The following BCL2 variants were observed in gnomAD, a reference collection of about 807,000 sequenced individuals.
The protein encoded by BCL2 is BCL2 apoptosis regulator, also known as apoptosis regulator Bcl-2.
A neutral mutation model predicts 14.2 loss-of-function variants in BCL2; 1 was observed. The ratio of observed to expected loss-of-function variants is 0.07; its 90% CI spans 0.02 to 0.33. The LOEUF is 0.33. Ranked by LOEUF, BCL2 falls within the 10% of genes least tolerant of loss-of-function variation. The pLI is 0.99. For missense variants in BCL2, 247 were observed against 305.9 expected (o/e 0.81, Z 1.44); for synonymous variants, 151 against 137.2 (o/e 1.10, Z -0.70).
chr18:63,302,415 T>A lies in BCL2; in HGVS notation c.585+15667A>T, dbSNP rs766600787. On this transcript the variant is annotated intron_variant, in intron 2 of 2. Coordinates refer to ENST00000333681, the MANE Select transcript of BCL2 (RefSeq NM_000633.3). ...TTGGGGAGCCTGATGGTGAACTCTGTCTTGCTTAATGAAAGGTCACTATTG... is the reference window on the plus strand; with the variant it reads ...TTGGGGAGCCTGATGGTGAACTCTGACTTGCTTAATGAAAGGTCACTATTG... 9.1e-6 allele frequency: 9 copies of A among 985,394 alleles called. No individual in the cohort carries two copies. The Admixed American group carries it at 4.9e-4, about 54-fold the overall frequency. 61.0% of individuals were successfully genotyped at this position (985,394 alleles called of 1,614,324 possible). A position where few individuals can be genotyped will look rare whatever the true frequency, so the allele number is the denominator to read the frequency against.
At chr18:63,140,701 T>C (rs886777883) in intron 2 of BCL2, among the ~76,000 whole-genome samples, 3 of 152,218 alleles carry the variant, frequency 2.0e-5, no homozygotes, top group Non-Finnish European at 4.4e-5. Flanking sequence ...TTTGGAGTGA[T>C]GGAAAAGTTC....
chr18:63,267,399 G>A (rs1011366645), intron 2 of BCL2, among the ~76,000 whole-genome samples: 2 of 152,124 alleles, frequency 1.3e-5, no homozygotes, highest in African/African-American at 4.8e-5. Flanking sequence ...GGGATGGAGT[G>A]GGGAAGACAC....
intron 2 of BCL2, among the ~76,000 whole-genome samples, chr18:63,273,104 T>G (rs553846230): frequency 6.6e-6 from 1 of 152,330 alleles, no homozygotes; most frequent in Non-Finnish European, 1.5e-5. Context: ...CAAGTCCATT[T>G]TCTATGAAAC....
At chr18:63,172,416 A>C (rs556169282) in intron 2 of BCL2, among the ~76,000 whole-genome samples, 1 of 152,232 alleles carries the variant, frequency 6.6e-6, no homozygotes, top group Non-Finnish European at 1.5e-5. Flanking sequence ...TCATCAGAAT[A>C]TTATTATTTT....
At chr18:63,171,940 C>T (rs1915230871) in intron 2 of BCL2, among the ~76,000 whole-genome samples, 1 of 152,208 alleles carries the variant, frequency 6.6e-6, no homozygotes, top group Admixed American at 6.5e-5. Flanking sequence ...ATGATCACAC[C>T]ACTGCACTCC....
At chr18:63,233,090 G>A (rs1910730338) in intron 2 of BCL2, among the ~76,000 whole-genome samples, 1 of 152,222 alleles carries the variant, frequency 6.6e-6, no homozygotes, top group African/African-American at 2.4e-5. Flanking sequence ...ATACAGTGAA[G>A]GGGTAAGAGA....
chr18:63,308,604 T>C (rs2082350854), intron 2 of BCL2, among the ~76,000 whole-genome samples: 1 of 152,216 alleles, frequency 6.6e-6, no homozygotes, highest in South Asian at 2.1e-4. Context: ...GTCAAATGTT[T>C]AATATAGAGC....
chr18:63,216,135 T>C (rs998569354), intron 2 of BCL2, among the ~76,000 whole-genome samples: 2 of 152,112 alleles, frequency 1.3e-5, no homozygotes, highest in African/African-American at 4.8e-5. Flanking sequence ...GGGTTATGAG[T>C]GATTTTTTTT....
At chr18:63,285,729 C>T (rs770453244) in intron 2 of BCL2, among the ~76,000 whole-genome samples, 24 of 152,086 alleles carry the variant, frequency 1.6e-4, no homozygotes, top group Non-Finnish European at 2.9e-5. Flanking sequence ...GAGGGTGCAC[C>T]GTTTCCATGC....
intron 2 of BCL2, among the ~76,000 whole-genome samples, chr18:63,233,619 G>T (rs1910744729): frequency 6.6e-6 from 1 of 152,164 alleles, no homozygotes; most frequent in African/African-American, 2.4e-5. Flanking sequence ...TGGCTGATCT[G>T]ACAGGAGGTG....
intron 2 of BCL2, among the ~76,000 whole-genome samples, chr18:63,179,586 G>A (rs1915435765): frequency 6.6e-6 from 1 of 152,198 alleles, no homozygotes; most frequent in Non-Finnish European, 1.5e-5. Context: ...AAAGCCCTAT[G>A]TTGCGGTGCG....
chr18:63,285,008 C>CA (rs1274018251), intron 2 of BCL2, among the ~76,000 whole-genome samples: 1 of 152,158 alleles, frequency 6.6e-6, no homozygotes. Flanking sequence ...TTGCTGCAGG[C>CA]AAAAGGCTGC....
intron 2 of BCL2, among the ~76,000 whole-genome samples, chr18:63,198,285 TA>T (rs1568231032): frequency 2.5e-5 from 2 of 81,512 alleles, no homozygotes; most frequent in Non-Finnish European, 5.1e-5. Flanking sequence ...GAGACACACA[TA>T]GACACAGAGA....
At chr18:63,271,692 G>T (rs1468628086) in intron 2 of BCL2, among the ~76,000 whole-genome samples, 1 of 152,118 alleles carries the variant, frequency 6.6e-6, no homozygotes, top group East Asian at 1.9e-4. Context: ...ACAACAGAAA[G>T]ATTTTCTATC....
chr18:63,151,480 TAATA>T (rs935474188), intron 2 of BCL2, among the ~76,000 whole-genome samples: 2 of 100,402 alleles, frequency 2.0e-5, no homozygotes, highest in Non-Finnish European at 3.6e-5. Flanking sequence ...AGGGGGGCGA[TAATA>T]GATGGGGGGC....
At chr18:63,240,386 A>G (rs1490936059) in intron 2 of BCL2, among the ~76,000 whole-genome samples, 3 of 152,214 alleles carry the variant, frequency 2.0e-5, no homozygotes, top group Admixed American at 2.0e-4. Context: ...GAAGTGAACA[A>G]TCAGCAAAAA....
intron 2 of BCL2, among the ~76,000 whole-genome samples, chr18:63,159,723 GC>G (rs1021198536): frequency 2.0e-5 from 3 of 152,142 alleles, no homozygotes; most frequent in African/African-American, 7.2e-5. Flanking sequence ...AGGGAAATGA[GC>G]CAAACAGAAA....
At chr18:63,168,944 C>T (rs190285610) in intron 2 of BCL2, among the ~76,000 whole-genome samples, 5 of 152,324 alleles carry the variant, frequency 3.3e-5, no homozygotes, top group African/African-American at 9.6e-5. Flanking sequence ...ACACGCTCAG[C>T]GGTCATCTGT....
chr18:63,166,476 G>A (rs898662616), intron 2 of BCL2, among the ~76,000 whole-genome samples: 7 of 152,350 alleles, frequency 4.6e-5, no homozygotes, highest in Non-Finnish European at 1.0e-4. Context: ...ACACCCTGCA[G>A]TTGACTGCGC....
Sources: gnomAD v4.1 joint callset for allele counts (sites outside exome capture counted in the v4.1 genomes callset) on GRCh38, gnomAD v4.1.1 for gene constraint, MANE v1.5 for transcripts, NCBI Gene and HGNC (gene_info 2026-07-23, HGNC 2026-07-21) for gene names.